Variants in ANK3 observed in about 807,000 individuals in gnomAD.
ANK3 encodes ankyrin-3.
A neutral mutation model predicts 370.9 loss-of-function variants in ANK3; 57 were observed. That is an observed-to-expected ratio of 0.15 (90% CI 0.12 to 0.19). The LOEUF is 0.19. ANK3 is among the 10% of genes least tolerant of loss of function. The pLI is 1.00. For missense variants in ANK3, 4,439 were observed against 5,302.1 expected (o/e 0.84, Z 5.06); for synonymous variants, 1,929 against 1,946.3 (o/e 0.99, Z 0.23).
rs1408363566 is a variant in ANK3, at chr10:60,566,432, T to C, written c.96+48754A>G. Among the ~76,000 whole-genome samples the C allele has an allele frequency of 2.6e-5, 4 of 152,362 alleles. No individual in the cohort carries two copies. In the East Asian group the frequency reaches 5.8e-4, roughly 22 times the overall value. On this transcript the variant is annotated intron_variant, in intron 2 of 43. Coordinates refer to the ANK3 transcript ENST00000373827. Reference sequence around the variant, plus strand: ...GCTGAGACAGACCAAAAACTAGGACTCTTTCACTAGTGAGCCAAATTATGA... The same window carrying C: ...GCTGAGACAGACCAAAAACTAGGACCCTTTCACTAGTGAGCCAAATTATGA...
intron 2 of ANK3, chr10:60,572,499 G>C (rs764510856): frequency 6.5e-7 from 1 of 1,535,626 alleles, no homozygotes; most frequent in African/African-American, 1.4e-5. Flanking sequence ...AGCAGGTTTT[G>C]CATTTTTCTC....
chr10:60,069,712 T>G lies in ANK3; in HGVS notation c.11169A>C (p.Lys3723Asn), dbSNP rs775448362. ...KVDPKLRTPI[K>N]MGISASTMTM... ...TCATGGTGGATGCAGAAATTCCCAT[T>G]TTTATAGGCGTGCGCAACTTGGGGT... is the stretch of plus-strand genomic sequence containing the variant. The change falls in exon 37 of 44, where the codon AAA (lysine) becomes AAC (asparagine). Residue 3723 changes from lysine to asparagine, a missense_variant. Lys to Asn is a moderately conservative substitution (Grantham distance 94). This residue lies in a region of ANK3 where 496 missense variants were observed against 529.3 expected (regional missense o/e 0.94). Coordinates refer to ENST00000280772, the MANE Select transcript of ANK3 (RefSeq NM_020987.5). 1 of 1,613,608 alleles carries G rather than the reference T, an allele frequency of 6.2e-7. No homozygotes were observed. Among genetic ancestry groups the G allele is most frequent in the Non-Finnish European group, 8.5e-7 (1 of 1,179,924 alleles).
intron 1 of ANK3, among the ~76,000 whole-genome samples, chr10:60,339,947 T>C (rs990387808): frequency 1.3e-5 from 2 of 152,238 alleles, no homozygotes; most frequent in Non-Finnish European, 2.9e-5. Flanking sequence ...GTATCTATGA[T>C]GACAGTGAGC....
intron 1 of ANK3, among the ~76,000 whole-genome samples, chr10:60,312,565 G>A (rs527412505): frequency 1.5e-4 from 23 of 152,196 alleles, no homozygotes; most frequent in African/African-American, 5.3e-4. Context: ...ATCAAACATT[G>A]AATCTTAGGC....
chr10:60,461,452 C>T (rs1462278828), intron 2 of ANK3, among the ~76,000 whole-genome samples: 22 of 152,058 alleles, frequency 1.4e-4, no homozygotes, highest in Non-Finnish European at 4.4e-5. Flanking sequence ...ATAGGAACAT[C>T]CAAACATGTT....
chr10:60,206,771 C>T (rs924244146), intron 10 of ANK3, among the ~76,000 whole-genome samples: 9 of 152,228 alleles, frequency 5.9e-5, no homozygotes, highest in African/African-American at 2.2e-4. Context: ...AAATTATGTC[C>T]TAAGTTGTCC....
chr10:60,272,434 T>C (rs1466049410), intron 4 of ANK3, among the ~76,000 whole-genome samples: 1 of 151,740 alleles, frequency 6.6e-6, no homozygotes, highest in Non-Finnish European at 1.5e-5. Context: ...AGAGGGCAGG[T>C]TCAGATTTTT....
At chr10:60,521,727 A>AC (rs1209347291) in intron 2 of ANK3, among the ~76,000 whole-genome samples, 1 of 152,098 alleles carries the variant, frequency 6.6e-6, no homozygotes, top group Non-Finnish European at 1.5e-5. Flanking sequence ...AATTTGAAAT[A>AC]ACTTTTTTCC....
At chr10:60,301,307 TAC>T (rs1439369660) in intron 1 of ANK3, among the ~76,000 whole-genome samples, 7 of 147,702 alleles carry the variant, frequency 4.7e-5, no homozygotes, top group Admixed American at 6.8e-5. Context: ...CATACATATA[TAC>T]ACACATACAC....
Position 60,076,089 on chromosome 10 carries a change from T to C in ANK3, c.4792A>G (p.Thr1598Ala), listed in dbSNP as rs773122144. Reference sequence around the variant, plus strand: ...GTGACTGCTGGAGCTCTAGCCAGGGTACCAGAGGAAACTTGGATATTGTAT... The same window carrying C: ...GTGACTGCTGGAGCTCTAGCCAGGGCACCAGAGGAAACTTGGATATTGTAT... The part of the protein sequence containing the change: ...SPYNIQVSSG[T>A]LARAPAVTEA... The change falls in exon 37 of 44, where the codon ACC (threonine) becomes GCC (alanine). Residue 1598 changes from threonine to alanine, a missense_variant. Physicochemically the swap from Thr to Ala is moderately conservative, Grantham distance 58. Around this residue, in one of 13 missense-constraint regions of ANK3, gnomAD observed 679 missense variants for 791.0 expected, o/e 0.86. Coordinates refer to ENST00000280772, the MANE Select transcript of ANK3 (RefSeq NM_020987.5). 6.2e-7 allele frequency: 1 copy of C among 1,614,178 alleles called. No individual in the cohort carries two copies. The highest frequency in any genetic ancestry group is 1.7e-5 in the Admixed American group (1 of 60,032).
At chr10:60,172,071 A>G (rs1450449327) in intron 21 of ANK3, among the ~76,000 whole-genome samples, 1 of 152,224 alleles carries the variant, frequency 6.6e-6, no homozygotes, top group Non-Finnish European at 1.5e-5. Flanking sequence ...CTGTATATGG[A>G]AGTAAAAACT....
chr10:60,544,313 A>G (rs1255139374), intron 2 of ANK3, among the ~76,000 whole-genome samples: 2 of 152,154 alleles, frequency 1.3e-5, no homozygotes, highest in Non-Finnish European at 2.9e-5. Flanking sequence ...ATGCTGTTAT[A>G]TAAGAGTTTT....
At chr10:60,364,490 C>T (rs148953581) in intron 1 of ANK3, among the ~76,000 whole-genome samples, 2,096 of 150,838 alleles carry the variant, frequency 0.014, 52 homozygotes, top group African/African-American at 0.049. Flanking sequence ...GGGAGTTGAA[C>T]AATGAGAACA....
At chr10:60,054,746 A>G (rs1280663821) in intron 42 of ANK3, among the ~76,000 whole-genome samples, 1 of 152,176 alleles carries the variant, frequency 6.6e-6, no homozygotes, top group African/African-American at 2.4e-5. Flanking sequence ...CCAAAACACT[A>G]AAGTGGGTCT....
At position 60,588,119 on chromosome 10, in the gene ANK3, C is replaced by CA. The variant is rs996415872; in HGVS notation, c.96+27066dup. Among the ~76,000 whole-genome samples the CA allele has an allele frequency of 1.7e-4, 25 of 148,220 alleles. No individual in the cohort carries two copies. The South Asian group carries it at 1.9e-3, about 11-fold the overall frequency. ...AATAGCACCTATGAAATATTCCTAGCAAAAAAAAATTAAATATAAATCTGG... is the reference window on the plus strand; with the variant it reads ...AATAGCACCTATGAAATATTCCTAGCAAAAAAAAAATTAAATATAAATCTGG... On this transcript the variant is annotated intron_variant, in intron 2 of 43. Transcript: ENST00000373827.
At chr10:60,370,777 G>A (rs1316714202) in intron 1 of ANK3, among the ~76,000 whole-genome samples, 1 of 152,134 alleles carries the variant, frequency 6.6e-6, no homozygotes, top group Non-Finnish European at 1.5e-5. Context: ...AGATTTCCGT[G>A]TTCTCGGATG....
chr10:60,646,394 C>A lies in ANK3; in HGVS notation c.58-31170G>T, dbSNP rs116289218. On this transcript the variant is annotated intron_variant, in intron 1 of 43. Transcript: ENST00000373827. ...GAGAAGGGATTAGTAGAAGGCAAGT[C>A]TAAAGATAAGAAAACCAGATAAAAG... Among the ~76,000 whole-genome samples the A allele has an allele frequency of 4.2e-3, 635 of 152,240 alleles. 6 individuals carry two copies. Among genetic ancestry groups the A allele is most frequent in the African/African-American group, 0.014 (596 of 41,562 alleles).
chr10:60,646,550 C>A (rs2078711945), intron 1 of ANK3, among the ~76,000 whole-genome samples: 1 of 152,152 alleles, frequency 6.6e-6, no homozygotes. Context: ...ATCTCTTCAA[C>A]AACAAAAAGA....
chr10:60,082,062 CCA>C (rs2085415027), intron 35 of ANK3, 86 bp downstream of exon 35: 5 of 1,011,674 alleles, frequency 4.9e-6, no homozygotes, highest in Non-Finnish European at 7.4e-6. Flanking sequence ...TATATGTTTC[CCA>C]CACTTTAGCC....
Sources: allele counts gnomAD v4.1 joint callset (sites outside exome capture counted in the v4.1 genomes callset), GRCh38; gene constraint gnomAD v4.1.1; regional missense constraint gnomAD v4.1.1; transcripts MANE v1.5; gene names NCBI Gene and HGNC (gene_info 2026-07-23, HGNC 2026-07-21).